The following MALRD1 variants were observed in gnomAD, a reference collection of about 807,000 sequenced individuals.
MALRD1 encodes the protein MAM and LDL receptor class A domain containing 1.
Under a neutral mutation model 242.1 loss-of-function variants are expected in MALRD1, and 247 were observed. That is an observed-to-expected ratio of 1.02 (90% CI 0.92 to 1.13). The LOEUF is 1.13. Ranked by LOEUF, MALRD1 falls within the 50% of genes most tolerant of loss-of-function variation. The pLI is 0.00. For missense variants in MALRD1, 2,989 were observed against 2,533.1 expected (o/e 1.18, Z -3.86); for synonymous variants, 995 against 866.6 (o/e 1.15, Z -2.60).
intron 18 of MALRD1, among the ~76,000 whole-genome samples, chr10:19,233,211 T>C (rs897748911): frequency 6.6e-6 from 1 of 152,116 alleles, no homozygotes; most frequent in African/African-American, 2.4e-5. Flanking sequence ...AGTTAAAAAC[T>C]ATTCAATTGG....
At position 19,632,075 on chromosome 10, in the gene MALRD1, A is replaced by C. The variant is rs563337196; in HGVS notation, c.6137+16152A>C. Among the ~76,000 whole-genome samples, 40 of 152,288 alleles carry C rather than the reference A, an allele frequency of 2.6e-4. No individual in the cohort carries two copies. The South Asian group carries it at 3.7e-3, about 14-fold the overall frequency. On this transcript the variant is annotated intron_variant, in intron 36 of 39. Coordinates refer to ENST00000454679, the MANE Select transcript of MALRD1 (RefSeq NM_001142308.3). Reference sequence around the variant, plus strand: ...TTTCATGAAGTGGCCTCTTAGTTTAATGAAGGTATGAGCAAGGTTGAAAGA... The same window carrying C: ...TTTCATGAAGTGGCCTCTTAGTTTACTGAAGGTATGAGCAAGGTTGAAAGA...
chr10:19,224,554 G>C (rs1485763006), intron 18 of MALRD1, among the ~76,000 whole-genome samples: 1 of 152,130 alleles, frequency 6.6e-6, no homozygotes, highest in Admixed American at 6.6e-5. Context: ...GCCTCCCAAA[G>C]TGATGGGATT....
intron 31 of MALRD1, among the ~76,000 whole-genome samples, chr10:19,529,461 A>G (rs1834241725): frequency 6.6e-6 from 1 of 151,244 alleles, no homozygotes; most frequent in African/African-American, 2.4e-5. Context: ...AAAACAGAAG[A>G]TATAAAATTG....
chr10:19,727,309 A>G (rs1317271749), intron 38 of MALRD1, among the ~76,000 whole-genome samples: 1 of 152,040 alleles, frequency 6.6e-6, no homozygotes, highest in Admixed American at 6.5e-5. Context: ...CTCCTTTCCC[A>G]TTTGTAATAG....
At chr10:19,561,515 G>A (rs1835960960) in intron 32 of MALRD1, among the ~76,000 whole-genome samples, 1 of 152,112 alleles carries the variant, frequency 6.6e-6, no homozygotes, top group Admixed American at 6.5e-5. Flanking sequence ...ATGCTCTGTT[G>A]TTAGGTGCAT....
At chr10:19,125,058 G>C (rs1015473516) in intron 7 of MALRD1, among the ~76,000 whole-genome samples, 1 of 135,564 alleles carries the variant, frequency 7.4e-6, no homozygotes, top group East Asian at 2.3e-4. Flanking sequence ...TGATTCTCCT[G>C]TCTCAGCCTC....
intron 21 of MALRD1, among the ~76,000 whole-genome samples, chr10:19,311,709 G>A (rs1842434127): frequency 6.6e-6 from 1 of 151,244 alleles, no homozygotes; most frequent in Admixed American, 6.6e-5. Flanking sequence ...TTATGAAGTG[G>A]GAAAATATGC....
chr10:19,386,999 A>C (rs193095414), intron 26 of MALRD1, among the ~76,000 whole-genome samples: 5 of 152,208 alleles, frequency 3.3e-5, no homozygotes, highest in African/African-American at 1.2e-4. Context: ...TATGCATTTT[A>C]GAGAAAAATC....
chr10:19,283,164 A>G lies in MALRD1; in HGVS notation c.3402A>G (p.Pro1134=), dbSNP rs1326880889. 8 of 1,547,372 alleles carry G rather than the reference A, an allele frequency of 5.2e-6. No individual in the cohort carries two copies. Among genetic ancestry groups the G allele is most frequent in the Non-Finnish European group, 6.1e-6 (7 of 1,145,242 alleles). ...SIHHGEENHR[P]SVDHTQNTTD... ...ATCATGGGGAAGAAAACCACAGGCC[A>G]TCAGTGGATCATACACAGTAAGTGA... The change falls in exon 21 of 40, where the codon CCA becomes CCG. Residue 1134 remains proline, a synonymous_variant. Transcript: ENST00000454679.
At chr10:19,655,528 G>GTATATATA (rs1491324992) in intron 36 of MALRD1, among the ~76,000 whole-genome samples, 6 of 102,940 alleles carry the variant, frequency 5.8e-5, no homozygotes, top group African/African-American at 1.8e-4. Flanking sequence ...ATATGTGTGA[G>GTATATATA]TGTATATATA....
chr10:19,472,214 C>T (rs972071815), intron 29 of MALRD1, among the ~76,000 whole-genome samples: 3 of 152,096 alleles, frequency 2.0e-5, no homozygotes, highest in Non-Finnish European at 2.9e-5. Flanking sequence ...TCTTGATTTA[C>T]CTACGTTGAA....
At chr10:19,733,429 C>T (rs1228851843) in intron 39 of MALRD1, among the ~76,000 whole-genome samples, 1 of 152,038 alleles carries the variant, frequency 6.6e-6, no homozygotes, top group East Asian at 1.9e-4. Context: ...CAGGATCATC[C>T]CTAAACATTT....
intron 31 of MALRD1, among the ~76,000 whole-genome samples, chr10:19,516,462 A>C (rs530200711): frequency 6.6e-6 from 1 of 152,324 alleles, no homozygotes; most frequent in East Asian, 1.9e-4. Context: ...CAAGTACAAT[A>C]ATATGAAACT....
At chr10:19,710,289 G>C (rs576527344) in intron 38 of MALRD1, 17 of 98,102 alleles carry the variant, frequency 1.7e-4, no homozygotes, top group African/African-American at 8.2e-4. Flanking sequence ...TATCACTCTT[G>C]CATTTTTTTT....
At chr10:19,053,067 G>A (rs1834557966) in intron 1 of MALRD1, among the ~76,000 whole-genome samples, 1 of 152,112 alleles carries the variant, frequency 6.6e-6, no homozygotes, top group South Asian at 2.1e-4. Flanking sequence ...AATGAAGATT[G>A]GGTCCTCAGC....
chr10:19,248,574 T>C (rs1839165578), intron 18 of MALRD1, among the ~76,000 whole-genome samples: 1 of 151,974 alleles, frequency 6.6e-6, no homozygotes, highest in African/African-American at 2.4e-5. Context: ...TATTAGTGAC[T>C]ACGTGATCAG....
chr10:19,553,457 C>G (rs11010325), intron 32 of MALRD1, among the ~76,000 whole-genome samples: 6,712 of 151,922 alleles, frequency 0.044, 241 homozygotes, highest in Middle Eastern at 0.1. Flanking sequence ...TTAAAAAAAT[C>G]CATTTATCAT....
At chr10:19,448,310 T>G (rs1215009980) in intron 28 of MALRD1, among the ~76,000 whole-genome samples, 1 of 152,212 alleles carries the variant, frequency 6.6e-6, no homozygotes, top group Non-Finnish European at 1.5e-5. Context: ...TCTTCTCTAG[T>G]CTACTTTTTT....
At chr10:19,140,595 A>G (rs1833506002) in intron 10 of MALRD1, among the ~76,000 whole-genome samples, 1 of 146,916 alleles carries the variant, frequency 6.8e-6, no homozygotes. Flanking sequence ...TGTGTTCACA[A>G]TGGAATATTA....
Sources: allele counts gnomAD v4.1 joint callset (sites outside exome capture counted in the v4.1 genomes callset), GRCh38; gene constraint gnomAD v4.1.1; transcripts MANE v1.5; gene names NCBI Gene and HGNC (gene_info 2026-07-23, HGNC 2026-07-21).